HOMER1: variants seen among roughly 807,000 people sequenced by gnomAD.
The protein encoded by HOMER1 is homer scaffold protein 1, also known as homer protein homolog 1.
Under a neutral mutation model 48.9 loss-of-function variants are expected in HOMER1, and 3 were observed. That is an observed-to-expected ratio of 0.06 (90% CI 0.03 to 0.16). The LOEUF is 0.16. Ranked by LOEUF, HOMER1 falls within the 10% of genes least tolerant of loss-of-function variation. The pLI is 1.00. For missense variants in HOMER1, 247 were observed against 411.4 expected, an observed-to-expected ratio of 0.60 and a Z score of 3.46; for synonymous variants, 134 against 146.4, an observed-to-expected ratio of 0.92 and a Z score of 0.61.
chr5:79,376,748 C>G (rs897233590), intron 8 of HOMER1, among the ~76,000 whole-genome samples: 9 of 152,046 alleles, frequency 5.9e-5, no homozygotes, highest in Non-Finnish European at 1.2e-4. Flanking sequence ...GAGTATCACT[C>G]AATTGCTAGA....
chr5:79,486,665 G>A (rs73124176), intron 1 of HOMER1, among the ~76,000 whole-genome samples: 12,034 of 152,102 alleles, frequency 0.079, 1,052 homozygotes, highest in East Asian at 0.23. Context: ...CCCAACCCCA[G>A]TCTAGTACAA....
At chr5:79,441,891 T>C (rs1281120775) in intron 4 of HOMER1, among the ~76,000 whole-genome samples, 1 of 152,068 alleles carries the variant, frequency 6.6e-6, no homozygotes, top group African/African-American at 2.4e-5. Flanking sequence ...ATTTAACATA[T>C]TCTAAGCATC....
intron 1 of HOMER1, among the ~76,000 whole-genome samples, chr5:79,468,713 G>C (rs1248931708): frequency 2.0e-5 from 3 of 152,180 alleles, no homozygotes; most frequent in East Asian, 3.9e-4. Flanking sequence ...GCACACAAGA[G>C]ATACACTAGA....
chr5:79,413,580 C>T (rs1279460809), intron 5 of HOMER1, among the ~76,000 whole-genome samples: 2 of 151,868 alleles, frequency 1.3e-5, no homozygotes, highest in Admixed American at 6.6e-5. Flanking sequence ...TCAACCCTCA[C>T]GCCCCCACCC....
intron 5 of HOMER1, among the ~76,000 whole-genome samples, chr5:79,419,176 A>T (rs1750030785): frequency 6.6e-6 from 1 of 152,202 alleles, no homozygotes; most frequent in Non-Finnish European, 1.5e-5. Flanking sequence ...AAGACTTTAC[A>T]TTGTAGAGAT....
chr5:79,445,115 A>C (rs1198086966), intron 4 of HOMER1, among the ~76,000 whole-genome samples: 1 of 152,210 alleles, frequency 6.6e-6, no homozygotes, highest in Admixed American at 6.5e-5. Flanking sequence ...GAGATAAAGA[A>C]TAAATAATTT....
At chr5:79,394,158 C>T (rs1419151931) in intron 8 of HOMER1, among the ~76,000 whole-genome samples, 1 of 152,076 alleles carries the variant, frequency 6.6e-6, no homozygotes, top group Non-Finnish European at 1.5e-5. Flanking sequence ...AGCACGGTAT[C>T]CTTAATTTAC....
At chr5:79,492,922 T>TC (rs1185348918) in intron 1 of HOMER1, among the ~76,000 whole-genome samples, 1 of 145,632 alleles carries the variant, frequency 6.9e-6, no homozygotes. Context: ...TTTTTTTTTT[T>TC]TTTTTTTTTT....
intron 5 of HOMER1, among the ~76,000 whole-genome samples, chr5:79,424,853 C>T (rs368425070): frequency 6.6e-5 from 10 of 152,064 alleles, no homozygotes; most frequent in African/African-American, 1.9e-4. Flanking sequence ...CCATCAAAGG[C>T]TTTTAAATCT....
intron 6 of HOMER1, among the ~76,000 whole-genome samples, chr5:79,400,752 T>G (rs1270211681): frequency 8.8e-5 from 13 of 147,678 alleles, no homozygotes; most frequent in Non-Finnish European, 7.5e-5. Context: ...CTTTTTTTTT[T>G]TTGTTTTTTA....
At chr5:79,479,938 G>T (rs1325318759) in intron 1 of HOMER1, among the ~76,000 whole-genome samples, 2 of 152,142 alleles carry the variant, frequency 1.3e-5, no homozygotes, top group African/African-American at 4.8e-5. Flanking sequence ...TGCCAACTGG[G>T]TATCTTCGAC....
At chr5:79,464,145 G>A (rs1229374801) in intron 1 of HOMER1, among the ~76,000 whole-genome samples, 1 of 152,088 alleles carries the variant, frequency 6.6e-6, no homozygotes, top group Admixed American at 6.6e-5. Flanking sequence ...GGAAAATAAT[G>A]CTTTAGGGGC....
chr5:79,503,534 G>GAAA (rs751672080), intron 1 of HOMER1, among the ~76,000 whole-genome samples: 3 of 17,350 alleles, frequency 1.7e-4, no homozygotes, highest in Non-Finnish European at 2.8e-4. Flanking sequence ...GTCACAAAGA[G>GAAA]AAAAAAAAAA....
intron 1 of HOMER1, among the ~76,000 whole-genome samples, chr5:79,506,147 T>G: frequency 6.6e-6 from 1 of 151,998 alleles, no homozygotes; most frequent in Non-Finnish European, 1.5e-5. Context: ...GGAGTTTCCC[T>G]CTGGTTGCCC....
At chr5:79,463,764 A>C (rs1751381715) in intron 1 of HOMER1, among the ~76,000 whole-genome samples, 1 of 152,186 alleles carries the variant, frequency 6.6e-6, no homozygotes, top group Admixed American at 6.5e-5. Context: ...CCCCATTTAA[A>C]ATTGTAGAAC....
chr5:79,452,076 T>C (rs1751044256), intron 2 of HOMER1, among the ~76,000 whole-genome samples: 2 of 152,290 alleles, frequency 1.3e-5, no homozygotes, highest in African/African-American at 2.4e-5. Context: ...TCAAGTCCCA[T>C]AGTCAGCACT....
At chr5:79,479,872 T>A (rs1045667204) in intron 1 of HOMER1, among the ~76,000 whole-genome samples, 4 of 152,210 alleles carry the variant, frequency 2.6e-5, no homozygotes, top group African/African-American at 9.6e-5. Flanking sequence ...AAAACCAGCA[T>A]AAAATCTTAA....
chr5:79,407,435 T>C (rs2112228205), intron 5 of HOMER1, among the ~76,000 whole-genome samples: 1 of 152,152 alleles, frequency 6.6e-6, no homozygotes, highest in East Asian at 1.9e-4. Context: ...ATGTTAAAGG[T>C]GTTAGTGGAA....
intron 5 of HOMER1, among the ~76,000 whole-genome samples, chr5:79,414,258 T>A (rs1294071581): frequency 9.0e-6 from 1 of 110,528 alleles, no homozygotes; most frequent in Non-Finnish European, 1.7e-5. Context: ...TTTTTGCTTT[T>A]GTTTTTGTTT....
Sources: allele counts gnomAD v4.1 joint callset (sites outside exome capture counted in the v4.1 genomes callset), GRCh38; gene constraint gnomAD v4.1.1; transcripts MANE v1.5; gene names NCBI Gene and HGNC (gene_info 2026-07-23, HGNC 2026-07-21).